CAMTA1: variants seen among roughly 807,000 people sequenced by gnomAD.
CAMTA1 encodes calmodulin-binding transcription activator 1.
CAMTA1 carries 27 observed loss-of-function variants against 170.9 expected under a neutral mutation model. That is an observed-to-expected ratio of 0.16 (90% CI 0.12 to 0.22). The LOEUF is 0.22. Ranked by LOEUF, CAMTA1 falls within the 10% of genes least tolerant of loss-of-function variation. CAMTA1 has a pLI of 1.00. For synonymous variants in CAMTA1, 833 were observed against 891.5 expected (o/e 0.93, Z 1.17); for missense variants, 1,619 against 2,217.2 (o/e 0.73, Z 5.42).
intron 5 of CAMTA1, among the ~76,000 whole-genome samples, chr1:7,307,410 C>T (rs1017495226): frequency 3.3e-5 from 5 of 151,572 alleles, no homozygotes; most frequent in Non-Finnish European, 7.4e-5. Flanking sequence ...AGCTTTTCTT[C>T]TTGCTTTCCA....
At chr1:7,089,462 A>G (rs1641184106) in intron 3 of CAMTA1, among the ~76,000 whole-genome samples, 1 of 152,100 alleles carries the variant, frequency 6.6e-6, no homozygotes. Context: ...AACTATCTTC[A>G]GTGACACACA....
chr1:7,446,719 GC>G (rs1163602459), intron 5 of CAMTA1, among the ~76,000 whole-genome samples: 1 of 152,198 alleles, frequency 6.6e-6, no homozygotes. Context: ...CCCAACACTG[GC>G]CACGTGCAGG....
intron 3 of CAMTA1, among the ~76,000 whole-genome samples, chr1:6,951,413 G>C (rs1340685209): frequency 6.6e-6 from 1 of 152,150 alleles, no homozygotes; most frequent in Non-Finnish European, 1.5e-5. Flanking sequence ...GATATTGTGG[G>C]GATTGAGTGG....
At chr1:7,367,904 A>G (rs1433010732) in intron 5 of CAMTA1, among the ~76,000 whole-genome samples, 14 of 128,574 alleles carry the variant, frequency 1.1e-4, no homozygotes, top group East Asian at 2.5e-4. Context: ...TTCGTTGGGC[A>G]CAGACACTGG....
At chr1:7,218,395 G>T (rs915664808) in intron 4 of CAMTA1, among the ~76,000 whole-genome samples, 1 of 152,116 alleles carries the variant, frequency 6.6e-6, no homozygotes, top group African/African-American at 2.4e-5. Flanking sequence ...ACATTGAGTG[G>T]TTCGTGTGAT....
rs577553366 is a variant in CAMTA1 at position 7,071,475 on chromosome 1, ACTTT to A, written c.235-19826_235-19823del. ...TGTGTTTTTAATTATTATTTTAATGACTTTCTATATTTCAAATCGTGATAAATCT... is the reference window on the plus strand; with the variant it reads ...TGTGTTTTTAATTATTATTTTAATGACTATATTTCAAATCGTGATAAATCT... On this transcript the variant is annotated intron_variant, in intron 3 of 22. Coordinates refer to ENST00000303635, the MANE Select transcript of CAMTA1 (RefSeq NM_015215.4). Among the ~76,000 whole-genome samples, 11 of 152,310 alleles carry A rather than the reference ACTTT, an allele frequency of 7.2e-5. No individual in the cohort carries two copies. In the East Asian group the frequency reaches 2.1e-3, roughly 29 times the overall value.
Position 7,585,918 on chromosome 1 carries a change from G to A in CAMTA1, c.511-54482G>A, listed in dbSNP as rs564027632. Among the ~76,000 whole-genome samples the A allele has an allele frequency of 6.6e-6, 1 of 151,968 alleles. No individual in the cohort carries two copies. Among genetic ancestry groups the A allele is most frequent in the African/African-American group, 2.4e-5 (1 of 41,276 alleles). On this transcript the variant is annotated intron_variant, in intron 6 of 22. Coordinates refer to ENST00000303635, the MANE Select transcript of CAMTA1 (RefSeq NM_015215.4). This position sits in a 1 kb window ranked among gnomAD's most constrained non-coding sequence, Gnocchi z 4.8. ...AACCTGTCTGGTTCCCAGCTGGGCT[G>A]AGCCTTCCTCTCTGTGTCCCCCAGG... is the stretch of plus-strand genomic sequence containing the variant.
At chr1:6,877,046 G>A (rs951460168) in intron 3 of CAMTA1, among the ~76,000 whole-genome samples, 1 of 152,192 alleles carries the variant, frequency 6.6e-6, no homozygotes, top group Non-Finnish European at 1.5e-5. Flanking sequence ...CCGCCTCCAG[G>A]CCAGGACTTG....
intron 3 of CAMTA1, among the ~76,000 whole-genome samples, chr1:6,840,194 C>T (rs891746013): frequency 3.3e-5 from 5 of 151,276 alleles, no homozygotes; most frequent in Admixed American, 6.6e-5. Flanking sequence ...AGCGGAACAC[C>T]GTCTCAAAAA....
chr1:7,449,631 G>A (rs1254892192), intron 5 of CAMTA1, among the ~76,000 whole-genome samples: 5 of 151,976 alleles, frequency 3.3e-5, no homozygotes, highest in Non-Finnish European at 5.9e-5. Context: ...TTAGCTGGGC[G>A]TCATGGTGCA....
intron 5 of CAMTA1, among the ~76,000 whole-genome samples, chr1:7,366,932 G>T (rs778943430): frequency 1.3e-5 from 2 of 152,160 alleles, no homozygotes; most frequent in African/African-American, 2.4e-5. Context: ...CCTGGCGTCT[G>T]GTTATGCAAA....
At chr1:6,803,108 C>T (rs949000605) in intron 1 of CAMTA1, among the ~76,000 whole-genome samples, 3 of 152,152 alleles carry the variant, frequency 2.0e-5, no homozygotes, top group East Asian at 1.9e-4. Flanking sequence ...ATGGTCTGTG[C>T]GGTCTTTGCC....
chr1:7,204,890 C>T (rs1283239886), intron 4 of CAMTA1, among the ~76,000 whole-genome samples: 2 of 143,484 alleles, frequency 1.4e-5, no homozygotes, highest in African/African-American at 5.2e-5. Context: ...AGTGCAGTGG[C>T]ACGACCTCGG....
In CAMTA1 at chr1:7,189,868, G is replaced by A. The variant is rs367824382; in HGVS notation, c.303-59623G>A. 3.9e-5 allele frequency among the ~76,000 whole-genome samples: 6 copies of A among 152,298 alleles called. No individual in the cohort carries two copies. In the South Asian group the frequency reaches 1.2e-3, roughly 32 times the overall value. On this transcript the variant is annotated intron_variant, in intron 4 of 22. Coordinates refer to ENST00000303635, the MANE Select transcript of CAMTA1 (RefSeq NM_015215.4). ...GCACAATTTGCAAATGCAAAAAGGT[G>A]GAACCAACCCAAATGTCCATCAGTC...
chr1:7,424,590 G>T (rs1006797756), intron 5 of CAMTA1, among the ~76,000 whole-genome samples: 3 of 152,142 alleles, frequency 2.0e-5, no homozygotes, highest in African/African-American at 7.2e-5. Context: ...TGGTGCAGCT[G>T]ACACGTTGTA....
chr1:6,904,776 A>G (rs12023089), intron 3 of CAMTA1, among the ~76,000 whole-genome samples: 7,665 of 123,496 alleles, frequency 0.062, 346 homozygotes, highest in East Asian at 0.25. Flanking sequence ...AATTTTTGGC[A>G]GAGACGAGGT....
chr1:6,837,828 A>T (rs901761671), intron 3 of CAMTA1, among the ~76,000 whole-genome samples: 3 of 152,210 alleles, frequency 2.0e-5, no homozygotes, highest in Non-Finnish European at 4.4e-5. Flanking sequence ...CTATTCCTCA[A>T]GCAATTCAGA....
chr1:7,258,237 G>A (rs1033171938), intron 5 of CAMTA1, among the ~76,000 whole-genome samples: 1 of 152,160 alleles, frequency 6.6e-6, no homozygotes, highest in Non-Finnish European at 1.5e-5. Context: ...TGCCTTCCTT[G>A]TATCTCTGGT....
At chr1:7,621,444 A>G (rs1323489353) in intron 6 of CAMTA1, among the ~76,000 whole-genome samples, 1 of 152,226 alleles carries the variant, frequency 6.6e-6, no homozygotes, top group African/African-American at 2.4e-5. Flanking sequence ...CCAGGCGCCA[A>G]CTGGAGACAG....
Sources: allele counts gnomAD v4.1 joint callset (sites outside exome capture counted in the v4.1 genomes callset), GRCh38; gene constraint gnomAD v4.1.1; non-coding constraint Gnocchi (gnomAD v3.1); transcripts MANE v1.5; gene names NCBI Gene and HGNC (gene_info 2026-07-23, HGNC 2026-07-21).